Variants in KLHL26 observed in about 807,000 individuals in gnomAD.
KLHL26 encodes the protein kelch like family member 26.
A neutral mutation model predicts 7.1 loss-of-function variants in KLHL26; 4 were observed. That is an observed-to-expected ratio of 0.56 (90% CI 0.28 to 1.28). The LOEUF is 1.28. Among genes scored for constraint, KLHL26 ranks in the 50% most tolerant of loss-of-function variants. The pLI is 0.11. For synonymous variants in KLHL26, 465 were observed against 414.1 expected (o/e 1.12, Z -1.49); for missense variants, 896 against 924.6 (o/e 0.97, Z 0.40).
At chr19:18,665,396 A>G (rs1043779675) in intron 2 of KLHL26, among the ~76,000 whole-genome samples, 1 of 152,224 alleles carries the variant, frequency 6.6e-6, no homozygotes. Context: ...GCCAGGCACT[A>G]TTCTAGTCCT....
At position 18,669,726 on chromosome 19, in the gene KLHL26, C is replaced by G. The variant is rs551275675; in HGVS notation, c.*481C>G. 1 of 176,904 alleles carries G rather than the reference C, an allele frequency of 5.7e-6. No homozygotes were observed. The highest frequency in any genetic ancestry group is 1.8e-4 in the South Asian group (1 of 5,536). 11.0% of individuals were successfully genotyped at this position (176,904 alleles called of 1,614,324 possible). A position where few individuals can be genotyped will look rare whatever the true frequency, so the allele number is the denominator to read the frequency against. ...GTTTTTAAAATAAACTCACCCGAAA[C>G]GTCCGTAACACACGGACCTCCAGGA... On this transcript the variant is annotated 3_prime_UTR_variant, in exon 3 of 3. Transcript: ENST00000300976.
At position 18,649,987 on chromosome 19, in the gene KLHL26, A is replaced by G. The variant is rs1395380967; in HGVS notation, c.83+12850A>G. On this transcript the variant is annotated intron_variant, in intron 1 of 2. Coordinates refer to ENST00000300976, the MANE Select transcript of KLHL26 (RefSeq NM_018316.3). This position sits in a 1 kb window ranked among gnomAD's most constrained non-coding sequence, Gnocchi z 4.0. ...AAATATTGTGATCTGGGAGGAAGTA[A>G]CCAGCACCTTGGGGGAATCACAGAC... Among the ~76,000 whole-genome samples, 1 of 152,194 alleles carries G rather than the reference A, an allele frequency of 6.6e-6. No homozygotes were observed. The highest frequency in any genetic ancestry group is 6.5e-5 in the Admixed American group (1 of 15,286).
intron 2 of KLHL26, among the ~76,000 whole-genome samples, chr19:18,665,200 G>T (rs1396961618): frequency 1.3e-5 from 2 of 152,008 alleles, no homozygotes; most frequent in Non-Finnish European, 1.5e-5. Flanking sequence ...GGGACTACAG[G>T]CGCATGCCAC....
chr19:18,667,742 G>C lies in KLHL26; in HGVS notation c.345G>C (p.Arg115=), dbSNP rs1250929143. The stretch of plus-strand genomic sequence containing the variant: ...AGGGCGTGTCGGCCCGTGGCCTGCG[G>C]CACATCATCGACTTCGCCTACAGCG... ...ELKGVSARGL[R]HIIDFAYSAE... is the part of the protein sequence containing the mutation. Residue 115 remains arginine (R), a synonymous_variant, in exon 3 of 3, where the codon CGG becomes CGC. Transcript: ENST00000300976. The C allele has an allele frequency of 2.5e-6, 4 of 1,613,122 alleles. No homozygotes were observed. Among genetic ancestry groups the C allele is most frequent in the East Asian group, 4.5e-5 (2 of 44,900 alleles).
At chr19:18,659,401 G>A (rs1203776580) in intron 1 of KLHL26, among the ~76,000 whole-genome samples, 1 of 152,230 alleles carries the variant, frequency 6.6e-6, no homozygotes, top group Non-Finnish European at 1.5e-5. Flanking sequence ...GCCGGGGTGG[G>A]AGCCAACCAG....
At chr19:18,657,289 G>A (rs750713532) in intron 1 of KLHL26, among the ~76,000 whole-genome samples, 3 of 143,460 alleles carry the variant, frequency 2.1e-5, no homozygotes, top group Non-Finnish European at 4.5e-5. Context: ...ATGAGAGAAG[G>A]TATCAGTGTG....
rs760014119 is a variant in KLHL26 at position 18,669,212 on chromosome 19, C to A, written c.1815C>A (p.Pro605=). The A allele has an allele frequency of 8.1e-6, 13 of 1,611,548 alleles. No homozygotes were observed. Among genetic ancestry groups the A allele is most frequent in the Middle Eastern group, 1.6e-4 (1 of 6,082 alleles). Residue 605 remains proline, a synonymous_variant, in exon 3 of 3, where the codon CCC becomes CCA. Coordinates refer to ENST00000300976, the MANE Select transcript of KLHL26 (RefSeq NM_018316.3). ...CCTTCGCAGGCATAGCCTGCGCCCC[C>A]GTCCTGCTGCCCCGGGCCGGGACCA... is the stretch of plus-strand genomic sequence containing the variant. ...PESFAGIACA[P]VLLPRAGTRR is the part of the protein sequence containing the mutation.
rs371999394 is a variant in KLHL26 at position 18,641,686 on chromosome 19, T to G, written c.83+4549T>G. ...CTCTGTTGCCCAGGCTAGAGTGCAG[T>G]GGCGTGATCTTGGCTCACTGCAACC... On this transcript the variant is annotated intron_variant, in intron 1 of 2. Coordinates refer to ENST00000300976, the MANE Select transcript of KLHL26 (RefSeq NM_018316.3). Among the ~76,000 whole-genome samples, 442 of 148,806 alleles carry G rather than the reference T, an allele frequency of 3.0e-3. 5 individuals carry two copies. Among genetic ancestry groups the G allele is most frequent in the African/African-American group, 0.011 (429 of 40,036 alleles).
intron 1 of KLHL26, among the ~76,000 whole-genome samples, chr19:18,663,255 C>T (rs573092577): frequency 3.3e-5 from 5 of 152,290 alleles, no homozygotes; most frequent in South Asian, 2.1e-4. Context: ...CTGTGGTCAG[C>T]GCCTGGCCCT....
rs2052241278 is a variant in KLHL26 at position 18,650,563 on chromosome 19, C to G, written c.83+13426C>G. Among the ~76,000 whole-genome samples, 3 of 151,712 alleles carry G rather than the reference C, an allele frequency of 2.0e-5. No individual in the cohort carries two copies. The South Asian group carries it at 6.2e-4, about 31-fold the overall frequency. ...TCCCCCTCCTCGGGTCCTCGTGGCTCTCTGTCGTGTGAAGCGGGGGGTCAG... is the reference window on the plus strand; with the variant it reads ...TCCCCCTCCTCGGGTCCTCGTGGCTGTCTGTCGTGTGAAGCGGGGGGTCAG... On this transcript the variant is annotated intron_variant, in intron 1 of 2. Transcript: ENST00000300976. The surrounding 1 kb of genome is among the most constrained non-coding windows in gnomAD (Gnocchi z 4.2).
rs1354411399 is a variant in KLHL26, at chr19:18,637,035, C to T, written c.-20C>T. On this transcript the variant is annotated 5_prime_UTR_variant, in exon 1 of 3. It adds an upstream start codon to the 5' untranslated region. Transcript: ENST00000300976. ...GCGCGCGCGGCTCCCGTCACTCGAA[C>T]GCGCGACGGCGGGGGGAAGATGGCG... The T allele has an allele frequency of 3.1e-6, 4 of 1,310,040 alleles. No homozygotes were observed. The African/African-American group carries it at 4.6e-5, about 15-fold the overall frequency. 81.2% of individuals were successfully genotyped at this position (1,310,040 alleles called of 1,614,324 possible).
At chr19:18,645,530 T>C (rs1303295461) in intron 1 of KLHL26, among the ~76,000 whole-genome samples, 1 of 151,994 alleles carries the variant, frequency 6.6e-6, no homozygotes, top group Non-Finnish European at 1.5e-5. Context: ...AAGTGGTGGC[T>C]AGGCTGGGTG....
In KLHL26 at chr19:18,669,385, C is replaced by G. The variant is rs1406850038; in HGVS notation, c.*140C>G. ...GGGCCTGCTGCGTTGATAAGCCCCCCTCCCAGGGGTCCCTCCCTCCCTCCT... is the reference window on the plus strand; with the variant it reads ...GGGCCTGCTGCGTTGATAAGCCCCCGTCCCAGGGGTCCCTCCCTCCCTCCT... On this transcript the variant is annotated 3_prime_UTR_variant, in exon 3 of 3. Coordinates refer to ENST00000300976, the MANE Select transcript of KLHL26 (RefSeq NM_018316.3). The G allele has an allele frequency of 1.1e-5, 7 of 645,990 alleles. No homozygotes were observed. The highest frequency in any genetic ancestry group is 1.9e-5 in the Non-Finnish European group (7 of 374,828). 40.0% of individuals were successfully genotyped at this position (645,990 alleles called of 1,614,324 possible).
At position 18,649,627 on chromosome 19, in the gene KLHL26, G is replaced by A. The variant is rs1976866152; in HGVS notation, c.83+12490G>A. Among the ~76,000 whole-genome samples, 1 of 152,260 alleles carries A rather than the reference G, an allele frequency of 6.6e-6. No homozygotes were observed. Among genetic ancestry groups the A allele is most frequent in the South Asian group, 2.1e-4 (1 of 4,838 alleles). On this transcript the variant is annotated intron_variant, in intron 1 of 2. Coordinates refer to ENST00000300976, the MANE Select transcript of KLHL26 (RefSeq NM_018316.3). The surrounding 1 kb of genome is among the most constrained non-coding windows in gnomAD (Gnocchi z 4.0). ...CTCTCTCCCTGTCCAGCTGTCTGAA[G>A]TGGAAGTGGGGGCCAAGCCCGCTGG...
intron 1 of KLHL26, among the ~76,000 whole-genome samples, chr19:18,660,429 G>A (rs1403104735): frequency 6.6e-6 from 1 of 152,220 alleles, no homozygotes; most frequent in Non-Finnish European, 1.5e-5. Context: ...TGGCTCCGAT[G>A]ACTCACGTGC....
chr19:18,638,847 T>C (rs539444477), intron 1 of KLHL26, among the ~76,000 whole-genome samples: 85 of 147,700 alleles, frequency 5.8e-4, no homozygotes, highest in African/African-American at 2.0e-3. Context: ...ACTACAGGTG[T>C]GCACCACCAC....
At chr19:18,642,599 G>C (rs1226617923) in intron 1 of KLHL26, among the ~76,000 whole-genome samples, 2 of 151,648 alleles carry the variant, frequency 1.3e-5, no homozygotes, top group African/African-American at 4.8e-5. Flanking sequence ...CCTGACCTCA[G>C]GTGATCTGCC....
chr19:18,639,254 T>C (rs1976670421), intron 1 of KLHL26, among the ~76,000 whole-genome samples: 1 of 151,708 alleles, frequency 6.6e-6, no homozygotes, highest in Non-Finnish European at 1.5e-5. Flanking sequence ...TTTTGTATTT[T>C]TTAAGTAGAG....
At chr19:18,639,657 G>A (rs1014405472) in intron 1 of KLHL26, among the ~76,000 whole-genome samples, 14 of 151,652 alleles carry the variant, frequency 9.2e-5, no homozygotes, top group South Asian at 6.2e-4. Flanking sequence ...TGATCTGCCC[G>A]CTTCAGCCTC....
Sources: allele counts gnomAD v4.1 joint callset (sites outside exome capture counted in the v4.1 genomes callset), GRCh38; gene constraint gnomAD v4.1.1; non-coding constraint Gnocchi (gnomAD v3.1); transcripts MANE v1.5; gene names NCBI Gene and HGNC (gene_info 2026-07-23, HGNC 2026-07-21).